The following RBMS3 variants were observed in gnomAD, a reference collection of about 807,000 sequenced individuals.
RBMS3 encodes RNA-binding motif, single-stranded-interacting protein 3.
RBMS3 carries 27 observed loss-of-function variants against 66.8 expected under a neutral mutation model. That is an observed-to-expected ratio of 0.40 (90% CI 0.30 to 0.56). RBMS3 has a LOEUF of 0.56. RBMS3 is among the 20% of genes least tolerant of loss of function. The probability of loss-of-function intolerance (pLI) is 0.40; values close to 1 mark genes in which losing one functional copy is unlikely to be tolerated. For missense variants in RBMS3, 513 were observed against 549.5 expected (o/e 0.93, Z 0.66); for synonymous variants, 188 against 183.0 (o/e 1.03, Z -0.22).
chr3:29,542,838 T>C (rs2045815786), intron 3 of RBMS3, among the ~76,000 whole-genome samples: 1 of 152,240 alleles, frequency 6.6e-6, no homozygotes, highest in Non-Finnish European at 1.5e-5. Flanking sequence ...ACTAGCCTCT[T>C]GCTTTTTGTA....
intron 4 of RBMS3, among the ~76,000 whole-genome samples, chr3:29,732,783 C>T (rs2149338472): frequency 6.6e-6 from 1 of 152,028 alleles, no homozygotes; most frequent in East Asian, 1.9e-4. Context: ...ATAGACTGTT[C>T]CATTAAAAAA....
At chr3:29,482,985 C>T (rs1271905177) in intron 2 of RBMS3, among the ~76,000 whole-genome samples, 3 of 151,676 alleles carry the variant, frequency 2.0e-5, no homozygotes, top group African/African-American at 4.8e-5. Context: ...GGATTACAGA[C>T]GTGAGCCGCC....
intron 1 of RBMS3, among the ~76,000 whole-genome samples, chr3:29,418,572 G>C (rs577120408): frequency 1.1e-4 from 16 of 152,162 alleles, no homozygotes; most frequent in African/African-American, 3.9e-4. Flanking sequence ...GGGTGTGCTA[G>C]AATCTCACTC....
intron 6 of RBMS3, among the ~76,000 whole-genome samples, chr3:29,850,313 T>C (rs1015654225): frequency 6.6e-6 from 1 of 152,194 alleles, no homozygotes; most frequent in African/African-American, 2.4e-5. Context: ...CTCTTTATAC[T>C]TGACTTCTTG....
At chr3:29,527,813 G>A (rs2148987197) in intron 3 of RBMS3, among the ~76,000 whole-genome samples, 1 of 105,106 alleles carries the variant, frequency 9.5e-6, no homozygotes, top group Middle Eastern at 8.1e-3. Context: ...CCCACAACAA[G>A]CCCTGGTGTG....
At chr3:29,292,137 GA>G (rs1277844955) in intron 1 of RBMS3, among the ~76,000 whole-genome samples, 1 of 151,582 alleles carries the variant, frequency 6.6e-6, no homozygotes, top group East Asian at 2.0e-4. Flanking sequence ...CAGCCCTCTA[GA>G]CAGATCTCAC....
At chr3:29,727,613 T>C (rs35078269) in intron 4 of RBMS3, among the ~76,000 whole-genome samples, 4 of 152,120 alleles carry the variant, frequency 2.6e-5, no homozygotes, top group African/African-American at 9.7e-5. Flanking sequence ...AAAAAGGTCA[T>C]CATCACTGGT....
At chr3:29,310,421 T>C (rs560265257) in intron 1 of RBMS3, among the ~76,000 whole-genome samples, 6 of 151,812 alleles carry the variant, frequency 4.0e-5, no homozygotes, top group Admixed American at 2.6e-4. Context: ...TGTTATTAAA[T>C]GCATGGGAAT....
rs115225156 is a variant in RBMS3, at chr3:29,871,587, A to G, written c.744+2623A>G. ...TTGTTTTGATATATGAAACAATGGT[A>G]CACCTTTGAATCCTTTTCTTAGATA... On this transcript the variant is annotated intron_variant, in intron 7 of 14. Transcript: ENST00000383767. Among the ~76,000 whole-genome samples, 537 of 152,208 alleles carry G rather than the reference A, an allele frequency of 3.5e-3. 6 individuals are homozygous for G. Among genetic ancestry groups the G allele is most frequent in the African/African-American group, 0.012 (512 of 41,538 alleles).
chr3:29,565,637 C>A (rs192451605), intron 3 of RBMS3, among the ~76,000 whole-genome samples: 2 of 152,274 alleles, frequency 1.3e-5, no homozygotes, highest in East Asian at 1.9e-4. Context: ...ACTGTGCTAA[C>A]CTCACCTTAA....
intron 3 of RBMS3, among the ~76,000 whole-genome samples, chr3:29,520,276 A>G (rs1485535971): frequency 6.6e-6 from 1 of 152,204 alleles, no homozygotes; most frequent in East Asian, 1.9e-4. Context: ...TAATAATTTT[A>G]AAATTGATTG....
chr3:29,907,009 A>G (rs977288612), intron 10 of RBMS3, among the ~76,000 whole-genome samples: 1 of 152,128 alleles, frequency 6.6e-6, no homozygotes, highest in Non-Finnish European at 1.5e-5. Context: ...TTGAGCAAAA[A>G]TGTTATTTAC....
intron 4 of RBMS3, among the ~76,000 whole-genome samples, chr3:29,596,630 T>C (rs1056910162): frequency 2.0e-5 from 3 of 152,208 alleles, no homozygotes; most frequent in Admixed American, 2.0e-4. Flanking sequence ...AACCCAAGCC[T>C]TTCTGGTTCC....
At chr3:29,507,987 T>C (rs1179001897) in intron 3 of RBMS3, among the ~76,000 whole-genome samples, 1 of 152,190 alleles carries the variant, frequency 6.6e-6, no homozygotes, top group African/African-American at 2.4e-5. Flanking sequence ...ATTTTTTCAA[T>C]AATGAGAAAA....
At chr3:29,480,062 A>G (rs1217309254) in intron 2 of RBMS3, among the ~76,000 whole-genome samples, 1 of 152,236 alleles carries the variant, frequency 6.6e-6, no homozygotes, top group African/African-American at 2.4e-5. Context: ...ATCATTCAGC[A>G]TACAAGGAGA....
intron 6 of RBMS3, among the ~76,000 whole-genome samples, chr3:29,868,535 A>G (rs907027872): frequency 2.0e-5 from 3 of 152,214 alleles, no homozygotes; most frequent in African/African-American, 7.2e-5. Flanking sequence ...ACATATAAAT[A>G]CCGATTATGA....
chr3:29,648,760 A>G (rs575300851), intron 4 of RBMS3, among the ~76,000 whole-genome samples: 9 of 152,278 alleles, frequency 5.9e-5, no homozygotes, highest in African/African-American at 2.2e-4. Context: ...TTTACTTGTA[A>G]AAAAGCTTAC....
chr3:29,816,507 CT>C (rs1003647957), intron 6 of RBMS3, among the ~76,000 whole-genome samples: 14 of 151,642 alleles, frequency 9.2e-5, no homozygotes, highest in African/African-American at 1.9e-4. Flanking sequence ...ATAAAACCAA[CT>C]TTTTTTTTGT....
intron 3 of RBMS3, among the ~76,000 whole-genome samples, chr3:29,550,368 G>A (rs184823385): frequency 7.9e-5 from 12 of 152,200 alleles, no homozygotes; most frequent in Non-Finnish European, 1.2e-4. Flanking sequence ...ATTTCAAGTA[G>A]ACACAATGTT....
Sources: allele counts gnomAD v4.1 joint callset (sites outside exome capture counted in the v4.1 genomes callset), GRCh38; gene constraint gnomAD v4.1.1; transcripts MANE v1.5; gene names NCBI Gene and HGNC (gene_info 2026-07-23, HGNC 2026-07-21).